KCND2: variants seen among roughly 807,000 people sequenced by gnomAD.
KCND2 encodes the protein A-type voltage-gated potassium channel KCND2.
In KCND2, 16 loss-of-function variants were observed where a neutral mutation model predicts 54.4. That is an observed-to-expected ratio of 0.29 (90% CI 0.20 to 0.45). KCND2 has a LOEUF of 0.45. KCND2 is among the 20% of genes least tolerant of loss of function. The probability of loss-of-function intolerance (pLI) is 1.00; values close to 1 mark genes in which losing one functional copy is unlikely to be tolerated. For synonymous variants in KCND2, 317 were observed against 310.7 expected, an observed-to-expected ratio of 1.02 and a Z score of -0.21; for missense variants, 486 against 824.2, an observed-to-expected ratio of 0.59 and a Z score of 5.02.
intron 1 of KCND2, among the ~76,000 whole-genome samples, chr7:120,347,787 T>C (rs1173725125): frequency 2.0e-5 from 3 of 150,614 alleles, no homozygotes; most frequent in Non-Finnish European, 4.4e-5. Flanking sequence ...ATTTTTCAGA[T>C]AAAGATTATT....
At chr7:120,329,657 T>C (rs923631762) in intron 1 of KCND2, among the ~76,000 whole-genome samples, 22 of 152,160 alleles carry the variant, frequency 1.4e-4, no homozygotes, top group Admixed American at 2.6e-4. Context: ...TTCCTCAAGA[T>C]TTTTTTGACA....
intron 1 of KCND2, among the ~76,000 whole-genome samples, chr7:120,535,793 A>G (rs1791899350): frequency 6.6e-6 from 1 of 152,192 alleles, no homozygotes; most frequent in Non-Finnish European, 1.5e-5. Context: ...AAATAAATGA[A>G]TGTGCTATCC....
rs1200686988 is a variant in KCND2 at position 120,485,401 on chromosome 7, A to AT, written c.1115+209654_1115+209655insT. Among the ~76,000 whole-genome samples the AT allele has an allele frequency of 3.3e-5, 5 of 152,310 alleles. No homozygotes were observed. The East Asian group carries it at 9.7e-4, about 29-fold the overall frequency. ...GTCCCCTCATATAATGCCAAGAAGG[A>AT]GTTGACTCCATGGTAACATATCAAA... On this transcript the variant is annotated intron_variant, in intron 1 of 5. Coordinates refer to ENST00000331113, the MANE Select transcript of KCND2 (RefSeq NM_012281.3).
chr7:120,595,019 T>C (rs1289042633), intron 1 of KCND2, among the ~76,000 whole-genome samples: 1 of 140,190 alleles, frequency 7.1e-6, no homozygotes, highest in African/African-American at 2.7e-5. Flanking sequence ...AGACTCCGTC[T>C]CAAAAGAAAA....
intron 1 of KCND2, among the ~76,000 whole-genome samples, chr7:120,690,463 G>A (rs946114115): frequency 6.6e-6 from 1 of 152,154 alleles, no homozygotes; most frequent in Admixed American, 6.5e-5. Flanking sequence ...GGAGAACCAC[G>A]TGCTTGCACA....
intron 1 of KCND2, among the ~76,000 whole-genome samples, chr7:120,652,645 G>A (rs1584870313): frequency 6.6e-6 from 1 of 152,186 alleles, no homozygotes; most frequent in East Asian, 1.9e-4. Flanking sequence ...ATTTCTGAGA[G>A]TGATCTTAAT....
rs190510991 is a variant in KCND2, at chr7:120,346,378, G to A, written c.1115+70631G>A. Among the ~76,000 whole-genome samples the A allele has an allele frequency of 8.4e-4, 128 of 152,164 alleles. 2 individuals carry two copies. The highest frequency in any genetic ancestry group is 7.2e-3 in the Admixed American group (110 of 15,284). On this transcript the variant is annotated intron_variant, in intron 1 of 5. Transcript: ENST00000331113. The stretch of plus-strand genomic sequence containing the variant: ...ACAGTATTTGAGATTCATGGAATAG[G>A]GAAGATAAGTCATTGTCCTGGGAAA...
At chr7:120,294,112 T>G (rs1247380417) in intron 1 of KCND2, among the ~76,000 whole-genome samples, 1 of 151,978 alleles carries the variant, frequency 6.6e-6, no homozygotes, top group Non-Finnish European at 1.5e-5. Context: ...TCTAAAATAA[T>G]TTAGTGAAAA....
At chr7:120,457,108 C>T (rs1180034610) in intron 1 of KCND2, among the ~76,000 whole-genome samples, 3 of 152,154 alleles carry the variant, frequency 2.0e-5, no homozygotes, top group Admixed American at 6.5e-5. Context: ...GGACACAGGG[C>T]GTTAAGTCCC....
chr7:120,274,970 C>G lies in KCND2; in HGVS notation c.338C>G (p.Ser113Cys). The change falls in exon 1 of 6, where the codon TCT (serine) becomes TGT (cysteine). Residue 113 changes from serine (S) to cysteine (C), a missense_variant. Ser to Cys is a moderately radical substitution (Grantham distance 112, BLOSUM62 -1). Transcript: ENST00000331113. ...CACTATCCTCGCCACGAGTGCATCTCTGCTTACGATGAAGAACTGGCCTTC... is the reference window on the plus strand; with the variant it reads ...CACTATCCTCGCCACGAGTGCATCTGTGCTTACGATGAAGAACTGGCCTTC... The part of the protein sequence containing the change: ...KLHYPRHECI[S>C]AYDEELAFFG... 1 of 1,614,144 alleles carries G rather than the reference C, an allele frequency of 6.2e-7. No individual in the cohort carries two copies. The highest frequency in any genetic ancestry group is 1.7e-5 in the Admixed American group (1 of 60,032).
At chr7:120,279,421 TTAATTTTA>T (rs1453949891) in intron 1 of KCND2, among the ~76,000 whole-genome samples, 1 of 152,024 alleles carries the variant, frequency 6.6e-6, no homozygotes, top group East Asian at 1.9e-4. Context: ...TCATCTCACT[TTAATTTTA>T]AAACAAAATT....
At chr7:120,673,506 T>A (rs536102453) in intron 1 of KCND2, among the ~76,000 whole-genome samples, 2 of 152,240 alleles carry the variant, frequency 1.3e-5, no homozygotes, top group South Asian at 4.1e-4. Flanking sequence ...CCACCAATGT[T>A]ACTTGTTTAC....
At chr7:120,424,378 A>G (rs1254766914) in intron 1 of KCND2, among the ~76,000 whole-genome samples, 1 of 152,222 alleles carries the variant, frequency 6.6e-6, no homozygotes, top group East Asian at 1.9e-4. Context: ...GTTCAGCATA[A>G]GATCTCCATG....
At chr7:120,293,114 T>G (rs1352709470) in intron 1 of KCND2, among the ~76,000 whole-genome samples, 1 of 152,012 alleles carries the variant, frequency 6.6e-6, no homozygotes, top group African/African-American at 2.4e-5. Flanking sequence ...GAGAATAAAC[T>G]CTACCATATT....
At chr7:120,507,321 G>A (rs1350779605) in intron 1 of KCND2, among the ~76,000 whole-genome samples, 2 of 151,816 alleles carry the variant, frequency 1.3e-5, no homozygotes, top group East Asian at 3.9e-4. Flanking sequence ...ACTTTTCTGT[G>A]TTAACCTATG....
At chr7:120,588,627 C>G (rs1426589894) in intron 1 of KCND2, among the ~76,000 whole-genome samples, 1 of 152,050 alleles carries the variant, frequency 6.6e-6, no homozygotes, top group African/African-American at 2.4e-5. Context: ...GCATTTACTC[C>G]CACCTCCTCC....
chr7:120,308,458 T>C (rs532085695), intron 1 of KCND2, among the ~76,000 whole-genome samples: 10 of 152,292 alleles, frequency 6.6e-5, no homozygotes, highest in Non-Finnish European at 1.3e-4. Context: ...GATTTTACAA[T>C]TATTTTTAAC....
At chr7:120,365,452 A>G (rs1393013215) in intron 1 of KCND2, among the ~76,000 whole-genome samples, 3 of 152,068 alleles carry the variant, frequency 2.0e-5, no homozygotes, top group Admixed American at 1.3e-4. Flanking sequence ...AAGGCCATGT[A>G]TACATAGGTC....
At chr7:120,441,616 T>C (rs373221307) in intron 1 of KCND2, among the ~76,000 whole-genome samples, 1 of 151,976 alleles carries the variant, frequency 6.6e-6, no homozygotes, top group African/African-American at 2.4e-5. Flanking sequence ...TCAGAGAAAA[T>C]GGGACATAGA....
Sources: gnomAD v4.1 joint callset for allele counts (sites outside exome capture counted in the v4.1 genomes callset) on GRCh38, gnomAD v4.1.1 for gene constraint, MANE v1.5 for transcripts, NCBI Gene and HGNC (gene_info 2026-07-23, HGNC 2026-07-21) for gene names.